Variants in FGF14 observed in about 807,000 individuals in gnomAD.
The protein encoded by FGF14 is fibroblast growth factor homologous factor 4.
In FGF14, 5 loss-of-function variants were observed where a neutral mutation model predicts 25.5. That is an observed-to-expected ratio of 0.20 (90% CI 0.10 to 0.41). The LOEUF is 0.41. Among genes scored for constraint, FGF14 ranks in the 10% least tolerant of loss-of-function variants. The pLI is 1.00. For missense variants in FGF14, 222 were observed against 320.1 expected (o/e 0.69, Z 2.34); for synonymous variants, 138 against 118.3 (o/e 1.17, Z -1.08).
At chr13:102,299,091 T>C (rs1034518964) in intron 1 of FGF14, among the ~76,000 whole-genome samples, 1 of 152,152 alleles carries the variant, frequency 6.6e-6, no homozygotes, top group Non-Finnish European at 1.5e-5. Context: ...TCTACATTGG[T>C]AGAAAACTCA....
At chr13:101,953,550 A>G (rs927080283) in intron 1 of FGF14, among the ~76,000 whole-genome samples, 5 of 148,270 alleles carry the variant, frequency 3.4e-5, no homozygotes, top group East Asian at 1.9e-4. Context: ...CTGTATGTGT[A>G]TATATATATG....
chr13:102,387,043 G>T (rs1033660281), intron 1 of FGF14, among the ~76,000 whole-genome samples: 1 of 152,106 alleles, frequency 6.6e-6, no homozygotes, highest in African/African-American at 2.4e-5. Flanking sequence ...TCATGCTTGT[G>T]GCCCTATAAA....
chr13:102,161,700 GAAGAAGAAGAAGAAGAAGAAGA>G (rs2047771247), intron 1 of FGF14, among the ~76,000 whole-genome samples: 2 of 138,776 alleles, frequency 1.4e-5, no homozygotes, highest in Non-Finnish European at 3.1e-5. Flanking sequence ...AGAAGAAGAA[GAAGAAGAAGAAGAAGAAGAAGA>G]AGAATAGAAA....
At chr13:101,751,709 GT>G (rs1268264147) in intron 3 of FGF14, among the ~76,000 whole-genome samples, 1 of 152,140 alleles carries the variant, frequency 6.6e-6, no homozygotes, top group Admixed American at 6.6e-5. Flanking sequence ...GCCTAAGGCT[GT>G]TTTTGACGTC....
intron 3 of FGF14, among the ~76,000 whole-genome samples, chr13:101,754,323 T>C (rs956240889): frequency 5.3e-5 from 8 of 152,224 alleles, no homozygotes; most frequent in Non-Finnish European, 7.3e-5. Flanking sequence ...TCTTCTTTGT[T>C]GCCAAGAGTT....
chr13:102,343,952 C>T (rs80019693), intron 1 of FGF14, among the ~76,000 whole-genome samples: 119 of 152,240 alleles, frequency 7.8e-4, no homozygotes, highest in African/African-American at 2.6e-3. Context: ...TATTCTCTGC[C>T]TTGTGTTTTT....
chr13:102,008,220 G>A (rs545180620), intron 1 of FGF14, among the ~76,000 whole-genome samples: 25 of 152,290 alleles, frequency 1.6e-4, no homozygotes, highest in Non-Finnish European at 2.8e-4. Context: ...CTAGAGACTG[G>A]CACAAATCTT....
chr13:101,826,058 G>T (rs2042379134), intron 3 of FGF14, among the ~76,000 whole-genome samples: 1 of 152,022 alleles, frequency 6.6e-6, no homozygotes, highest in Non-Finnish European at 1.5e-5. Context: ...ATATACAAAT[G>T]CATATCTGTG....
intron 1 of FGF14, chr13:102,394,589 C>T (rs1367086059): frequency 6.6e-6 from 1 of 152,278 alleles, no homozygotes; most frequent in Non-Finnish European, 1.5e-5. Context: ...ACGGAAACTT[C>T]CCGCGCTACG....
chr13:102,312,986 G>A (rs2055847134), intron 1 of FGF14, among the ~76,000 whole-genome samples: 1 of 152,156 alleles, frequency 6.6e-6, no homozygotes, highest in Admixed American at 6.6e-5. Context: ...ACAAAAGCAA[G>A]TGAGTTCTCC....
At chr13:102,161,084 A>T (rs2047601516) in intron 1 of FGF14, among the ~76,000 whole-genome samples, 1 of 152,188 alleles carries the variant, frequency 6.6e-6, no homozygotes, top group Non-Finnish European at 1.5e-5. Flanking sequence ...AGAGAGAAAG[A>T]AACAATGGAG....
At chr13:102,077,635 A>G (rs1250399206) in intron 1 of FGF14, among the ~76,000 whole-genome samples, 1 of 152,192 alleles carries the variant, frequency 6.6e-6, no homozygotes, top group African/African-American at 2.4e-5. Flanking sequence ...ATGAAAGATA[A>G]CAAATGTTGG....
At chr13:101,801,136 T>C (rs1163202746) in intron 3 of FGF14, among the ~76,000 whole-genome samples, 4 of 152,148 alleles carry the variant, frequency 2.6e-5, no homozygotes, top group Admixed American at 2.0e-4. Flanking sequence ...CTGTTATTGA[T>C]GCTAAATGAA....
At chr13:101,915,523 C>CTGTGTTCTT in intron 1 of FGF14, among the ~76,000 whole-genome samples, 1 of 152,162 alleles carries the variant, frequency 6.6e-6, no homozygotes, top group Admixed American at 6.5e-5. Flanking sequence ...GCAAAACAAC[C>CTGTGTTCTT]AGCCTTAGCA....
At chr13:101,739,653 C>T (rs750085030) in intron 3 of FGF14, among the ~76,000 whole-genome samples, 4 of 152,084 alleles carry the variant, frequency 2.6e-5, no homozygotes, top group Admixed American at 6.5e-5. Context: ...GAGAAAACAA[C>T]GAAATCAGAA....
chr13:102,123,806 T>G (rs1438049934), intron 1 of FGF14, among the ~76,000 whole-genome samples: 1 of 152,138 alleles, frequency 6.6e-6, no homozygotes, highest in African/African-American at 2.4e-5. Context: ...GGTTAGGCAC[T>G]CCATAGAATA....
intron 1 of FGF14, among the ~76,000 whole-genome samples, chr13:102,064,045 A>G (rs1044162615): frequency 2.6e-5 from 4 of 152,230 alleles, no homozygotes; most frequent in Non-Finnish European, 4.4e-5. Context: ...TAAATAAAAT[A>G]ATGATTTGAG....
chr13:101,748,747 T>TAAAAAAAAAAAAAAAA (rs55785965), intron 3 of FGF14, among the ~76,000 whole-genome samples: 1 of 70,694 alleles, frequency 1.4e-5, no homozygotes, highest in Non-Finnish European at 2.6e-5. Context: ...TGGAGGTTTC[T>TAAAAAAAAAAAAAAAA]AAAAAAAAAA....
At chr13:101,907,960 G>T (rs1413453587) in intron 1 of FGF14, among the ~76,000 whole-genome samples, 1 of 152,084 alleles carries the variant, frequency 6.6e-6, no homozygotes, top group Non-Finnish European at 1.5e-5. Context: ...TAAATGGATA[G>T]ATCTGCAGAT....
Sources: allele counts gnomAD v4.1 joint callset (sites outside exome capture counted in the v4.1 genomes callset), GRCh38; gene constraint gnomAD v4.1.1; transcripts MANE v1.5; gene names NCBI Gene and HGNC (gene_info 2026-07-23, HGNC 2026-07-21).